Variants in OBSL1 observed in about 807,000 individuals in gnomAD.
OBSL1 encodes obscurin-like protein 1.
In OBSL1, 160 loss-of-function variants were observed where a neutral mutation model predicts 172.0. The ratio of observed to expected loss-of-function variants is 0.93; its 90% CI spans 0.82 to 1.06. OBSL1 has a LOEUF of 1.06. Among genes scored for constraint, OBSL1 ranks in the 50% least tolerant of loss-of-function variants. The probability of loss-of-function intolerance (pLI) is 0.00; values close to 1 mark genes in which losing one functional copy is unlikely to be tolerated. For synonymous variants in OBSL1, 1,200 were observed against 1,196.3 expected (o/e 1.00, Z -0.06); for missense variants, 2,681 against 2,715.4 (o/e 0.99, Z 0.28).
chr2:219,569,948 T>C (rs977563953), intron 1 of OBSL1, among the ~76,000 whole-genome samples: 2 of 152,196 alleles, frequency 1.3e-5, no homozygotes, highest in African/African-American at 4.8e-5. Context: ...TCTAGGGCCC[T>C]CCGGATTTGT....
chr2:219,548,711 A>G (rs752294120), downstream of OBSL1, among the ~76,000 whole-genome samples: 15 of 152,180 alleles, frequency 9.9e-5, no homozygotes, highest in Non-Finnish European at 1.6e-4. Flanking sequence ...TAGAAGGGCA[A>G]TAAGACTTTA....
At chr2:219,553,815 C>A in intron 15 of OBSL1, 129 bp from the exon 16 acceptor site, 4 of 293,340 alleles carry the variant, frequency 1.4e-5, no homozygotes, top group South Asian at 4.0e-5. Context: ...CGAGCTGGGA[C>A]AAGTGGTCCA....
intron 1 of OBSL1, chr2:219,569,200 C>T (rs1437038846): frequency 6.6e-6 from 1 of 152,130 alleles, no homozygotes; most frequent in Non-Finnish European, 1.5e-5. Context: ...CTCTAGCCTT[C>T]CCTCCGGGCT....
At chr2:219,549,482 A>G (rs916769442), downstream of OBSL1, 1 of 1,307,882 alleles carries the variant, frequency 7.6e-7, no homozygotes, top group Admixed American at 2.7e-5. Context: ...CTGTTTGTCC[A>G]TGCATCGGAG....
chr2:219,567,475 G>C lies in OBSL1; in HGVS notation c.1635C>G (p.Pro545=). The stretch of plus-strand genomic sequence containing the variant: ...CCAGCCGGTAGATGAATGGGGTCTC[G>C]GGAGCTGGCTCGGGAGGCTTCCAGG... The part of the protein sequence containing the change: ...LLTWKPPEPA[P]ETPFIYRLER... The change falls in exon 4 of 21, where the codon CCC becomes CCG. Residue 545 remains proline, a synonymous_variant. Coordinates refer to ENST00000404537, the MANE Select transcript of OBSL1 (RefSeq NM_015311.3). The C allele has an allele frequency of 6.2e-7, 1 of 1,613,532 alleles. No individual in the cohort carries two copies. The highest frequency in any genetic ancestry group is 8.5e-7 in the Non-Finnish European group (1 of 1,179,712).
rs766217176 is a variant in OBSL1 at position 219,563,386 on chromosome 2, A to G, written c.2649T>C (p.Asp883=). ...TGGTGACAGTGAAGTAGGCACACTC[A>G]TCTCCAGCGACGCACTGAAACTCGC... The part of the protein sequence containing the change: ...DGGEFQCVAG[D]ECAYFTVTIT... The change falls in exon 7 of 21, where the codon GAT becomes GAC. Residue 883 remains aspartate, a synonymous_variant. Coordinates refer to ENST00000404537, the MANE Select transcript of OBSL1 (RefSeq NM_015311.3). The G allele has an allele frequency of 1.9e-6, 3 of 1,600,668 alleles. No individual in the cohort carries two copies. Among genetic ancestry groups the G allele is most frequent in the South Asian group, 2.2e-5 (2 of 89,046 alleles).
At chr2:219,549,669 G>A (rs1215981083), downstream of OBSL1, 4 of 1,602,510 alleles carry the variant, frequency 2.5e-6, no homozygotes, top group Non-Finnish European at 3.4e-6. Context: ...GTGGCTTTTA[G>A]GGCAGGATTC....
chr2:219,550,864 T>C (rs1236867370), intron 20 of OBSL1, 22 bp from the exon 21 acceptor site: 7 of 1,580,898 alleles, frequency 4.4e-6, no homozygotes, highest in Non-Finnish European at 6.0e-6. Flanking sequence ...TGACTCCACA[T>C]GGGGCTGGGG....
At position 219,565,343 on chromosome 2, in the gene OBSL1, C is replaced by A. The variant is rs372837798; in HGVS notation, c.2306G>T (p.Arg769Leu). ...CTCAGGCAGGATCAGACGGTGTTTG[C>A]GCCCATCCATCTTCACCACCAGCAA... ...SELLVVKMDG[R>L]KHRLILPEAK... The change falls in exon 6 of 21, where the codon CGC (arginine) becomes CTC (leucine). Residue 769 changes from arginine (R) to leucine (L), a missense_variant. Arg to Leu is a moderately radical substitution (Grantham distance 102, BLOSUM62 -2). Coordinates refer to ENST00000404537, the MANE Select transcript of OBSL1 (RefSeq NM_015311.3). 3.6e-5 allele frequency: 58 copies of A among 1,613,894 alleles called. No homozygotes were observed. Among genetic ancestry groups the A allele is most frequent in the Non-Finnish European group, 4.8e-5 (57 of 1,179,910 alleles).
intron 6 of OBSL1, among the ~76,000 whole-genome samples, chr2:219,564,127 TCA>T (rs1252328214): frequency 6.6e-6 from 1 of 152,326 alleles, no homozygotes; most frequent in Admixed American, 6.5e-5. Context: ...GGACTCCCAC[TCA>T]GTGAGATGAG....
At chr2:219,547,951 A>G (rs139462854), downstream of OBSL1, 2 of 1,590,472 alleles carry the variant, frequency 1.3e-6, no homozygotes, top group African/African-American at 1.3e-5. Context: ...TGGTGGAGCG[A>G]CTCCGGGCTG....
chr2:219,565,305 C>G lies in OBSL1; in HGVS notation c.2344G>C (p.Asp782His). Residue 782 changes from aspartate (D) to histidine (H), a missense_variant, in exon 6 of 21, where the codon GAC becomes CAC. Coordinates refer to ENST00000404537, the MANE Select transcript of OBSL1 (RefSeq NM_015311.3). Reference protein sequence around the residue: ...RLILPEAKVQDSGEFECRTEG... With the variant: ...RLILPEAKVQHSGEFECRTEG... The stretch of plus-strand genomic sequence containing the variant: ...GTCCTGCACTCAAACTCGCCACTGT[C>G]CTGGACTTTGGCCTCAGGCAGGATC... 1 of 1,614,028 alleles carries G rather than the reference C, an allele frequency of 6.2e-7. No homozygotes were observed. Among genetic ancestry groups the G allele is most frequent in the Non-Finnish European group, 8.5e-7 (1 of 1,179,900 alleles).
At chr2:219,558,522 G>A (rs534248432) in intron 9 of OBSL1, 63 bp from the exon 10 acceptor site, 11 of 1,476,670 alleles carry the variant, frequency 7.4e-6, no homozygotes, top group East Asian at 2.5e-5. Context: ...TGCCTCACCC[G>A]CCAGATCCTC....
rs1289903937 is a variant in OBSL1, at chr2:219,570,227, C to T, written c.1006G>A (p.Val336Met). Residue 336 changes from valine to methionine, a missense_variant, in exon 1 of 21, where the codon GTG (valine) becomes ATG (methionine). Val to Met is a conservative substitution (Grantham distance 21). This residue lies in a region of OBSL1 where 706 missense variants were observed against 695.8 expected (regional missense o/e 1.01). Coordinates refer to ENST00000404537, the MANE Select transcript of OBSL1 (RefSeq NM_015311.3). Reference sequence around the variant, plus strand: ...GTCCCGGGCTCCGCCGTACCTTTCACGTGCAGCTGCACGGCACTGAGCGTC... The same window carrying T: ...GTCCCGGGCTCCGCCGTACCTTTCATGTGCAGCTGCACGGCACTGAGCGTC... Reference protein sequence around the residue: ...GQTLSAVQLHVKEPRLRFTRP... With the variant: ...GQTLSAVQLHMKEPRLRFTRP... The T allele has an allele frequency of 6.4e-7, 1 of 1,556,092 alleles. No homozygotes were observed. Among genetic ancestry groups the T allele is most frequent in the South Asian group, 1.2e-5 (1 of 81,628 alleles).
Position 219,570,559 on chromosome 2 carries a change from T to C in OBSL1, c.674A>G (p.Gln225Arg). 1.9e-6 allele frequency: 3 copies of C among 1,566,548 alleles called. No individual in the cohort carries two copies. Among genetic ancestry groups the C allele is most frequent in the Non-Finnish European group, 2.6e-6 (3 of 1,159,164 alleles). ...CGGGCTCTCGGGGGGCTGGTGCACCTGGAGCAGCGCCCCCGCCTGCGCGTG... is the reference window on the plus strand; with the variant it reads ...CGGGCTCTCGGGGGGCTGGTGCACCCGGAGCAGCGCCCCCGCCTGCGCGTG... ...HGHAQAGALLQVHQPPESPPA... is the reference protein window; with the variant it reads ...HGHAQAGALLRVHQPPESPPA... Residue 225 changes from glutamine (Q) to arginine (R), a missense_variant, in exon 1 of 21, where the codon CAG becomes CGG. This residue lies in a region of OBSL1 where 706 missense variants were observed against 695.8 expected (regional missense o/e 1.01). Coordinates refer to ENST00000404537, the MANE Select transcript of OBSL1 (RefSeq NM_015311.3).
At position 219,571,108 on chromosome 2, in the gene OBSL1, A is replaced by G. The variant is rs1161365318; in HGVS notation, c.125T>C (p.Val42Ala). 3 of 1,466,690 alleles carry G rather than the reference A, an allele frequency of 2.0e-6. No homozygotes were observed. Among genetic ancestry groups the G allele is most frequent in the Non-Finnish European group, 2.7e-6 (3 of 1,113,926 alleles). The allele number at this position is 1,466,690 out of a possible 1,614,324, so 90.9% of individuals were successfully genotyped here. Reference protein sequence around the residue: ...KCVVLGEPPPVVVWEKGGQQL... With the variant: ...KCVVLGEPPPAVVWEKGGQQL... ...CTGCCCGCCCTTCTCCCACACCACT[A>G]CAGGCGGCGGCTCCCCCAGGACCAC... The change falls in exon 1 of 21, where the codon GTA (valine) becomes GCA (alanine). Residue 42 changes from valine to alanine, a missense_variant. Physicochemically the swap from Val to Ala is moderately conservative, Grantham distance 64. Around this residue, in one of 5 missense-constraint regions of OBSL1, gnomAD observed 90 missense variants for 76.6 expected, o/e 1.18. Coordinates refer to ENST00000404537, the MANE Select transcript of OBSL1 (RefSeq NM_015311.3).
At chr2:219,551,845 C>T (rs771219234) in intron 19 of OBSL1, 47 bp from the exon 20 acceptor site, 7 of 1,272,996 alleles carry the variant, frequency 5.5e-6, no homozygotes, top group African/African-American at 2.9e-5. Flanking sequence ...CACGCATGGC[C>T]CCCAGGAGGA....
Position 219,565,285 on chromosome 2 carries a change from G to A in OBSL1, c.2364C>T (p.Cys788=). The change falls in exon 6 of 21, where the codon TGC becomes TGT. Residue 788 remains cysteine, a synonymous_variant. Transcript: ENST00000404537. ...AKVQDSGEFE[C]RTEGVSAFFG... is the part of the protein sequence containing the mutation. ...AGAAGGCCGAGACCCCTTCTGTCCT[G>A]CACTCAAACTCGCCACTGTCCTGGA... 5 of 1,613,956 alleles carry A rather than the reference G, an allele frequency of 3.1e-6. No homozygotes were observed. The highest frequency in any genetic ancestry group is 4.2e-6 in the Non-Finnish European group (5 of 1,179,884).
At chr2:219,550,241 A>G (rs1217386212), downstream of OBSL1, 4 of 205,394 alleles carry the variant, frequency 1.9e-5, no homozygotes, top group Non-Finnish European at 3.9e-5. Context: ...CCAAGGTCCC[A>G]TGGGCCACCT....
Sources: allele counts gnomAD v4.1 joint callset (sites outside exome capture counted in the v4.1 genomes callset), GRCh38; gene constraint gnomAD v4.1.1; regional missense constraint gnomAD v4.1.1; transcripts MANE v1.5; gene names NCBI Gene and HGNC (gene_info 2026-07-23, HGNC 2026-07-21).